ALDH1A1: variants seen among roughly 807,000 people sequenced by gnomAD.
ALDH1A1 encodes aldehyde dehydrogenase 1 family member A1.
A neutral mutation model predicts 62.1 loss-of-function variants in ALDH1A1; 19 were observed. The ratio of observed to expected loss-of-function variants is 0.31; its 90% CI spans 0.21 to 0.45. The LOEUF is 0.45. Ranked by LOEUF, ALDH1A1 falls within the 20% of genes least tolerant of loss-of-function variation. ALDH1A1 has a pLI of 1.00. For synonymous variants in ALDH1A1, 231 were observed against 215.9 expected, an observed-to-expected ratio of 1.07 and a Z score of -0.61; for missense variants, 521 against 607.1, an observed-to-expected ratio of 0.86 and a Z score of 1.49.
chr9:72,941,345 A>G (rs1830411774), intron 1 of ALDH1A1, among the ~76,000 whole-genome samples: 1 of 152,190 alleles, frequency 6.6e-6, no homozygotes, highest in South Asian at 2.1e-4. Context: ...TTTATTAAAA[A>G]TTCCCCGGTG....
rs367766133 is a variant in ALDH1A1 at position 72,914,164 on chromosome 9, A to T, written c.1036-2042T>A. 4.3e-4 allele frequency among the ~76,000 whole-genome samples: 65 copies of T among 152,284 alleles called. No individual in the cohort carries two copies. In the South Asian group the frequency reaches 0.013, roughly 30 times the overall value. On this transcript the variant is annotated intron_variant, in intron 9 of 12. Coordinates refer to ENST00000297785, the MANE Select transcript of ALDH1A1 (RefSeq NM_000689.5). ...CATTTTAAGGTGTTTGAATGGGTAA[A>T]TTCTTTGATTCCTTAGGCTTAATGG...
chr9:72,937,632 C>T lies in ALDH1A1; in HGVS notation c.171+2516G>A, dbSNP rs370649005. Among the ~76,000 whole-genome samples, 5 of 152,192 alleles carry T rather than the reference C, an allele frequency of 3.3e-5. No homozygotes were observed. In the East Asian group the frequency reaches 9.6e-4, roughly 29 times the overall value. On this transcript the variant is annotated intron_variant, in intron 2 of 12. Coordinates refer to ENST00000297785, the MANE Select transcript of ALDH1A1 (RefSeq NM_000689.5). ...CTTGAACTAGGTCCTGAGGACTACACTGTGGACATGTACAGAGGCAGTGAC... is the reference window on the plus strand; with the variant it reads ...CTTGAACTAGGTCCTGAGGACTACATTGTGGACATGTACAGAGGCAGTGAC...
intron 6 of ALDH1A1, 21 bp downstream of exon 6, chr9:72,925,463 T>C (rs768972884): frequency 6.2e-7 from 1 of 1,611,132 alleles, no homozygotes; most frequent in South Asian, 1.1e-5. Flanking sequence ...CTTGAGCATA[T>C]TTTGATTTCG....
chr9:72,947,167 T>C (rs1030350211), intron 1 of ALDH1A1, among the ~76,000 whole-genome samples: 2 of 151,970 alleles, frequency 1.3e-5, no homozygotes, highest in Non-Finnish European at 2.9e-5. Flanking sequence ...ATGAGCATTC[T>C]AAATATTAGT....
At chr9:72,908,619 GAAAGAAA>G (rs1829934588) in intron 11 of ALDH1A1, among the ~76,000 whole-genome samples, 1 of 103,754 alleles carries the variant, frequency 9.6e-6, no homozygotes, top group Admixed American at 1.0e-4. Flanking sequence ...AAGAAAGAAA[GAAAGAAA>G]GAGAATATTG....
intron 12 of ALDH1A1, 34 bp downstream of exon 12, chr9:72,905,924 A>G (rs370163540): frequency 8.6e-6 from 13 of 1,504,314 alleles, no homozygotes; most frequent in South Asian, 2.5e-5. Flanking sequence ...TTTCATAAAA[A>G]TAAATATTTA....
chr9:72,950,374 G>A (rs1353950241), intron 1 of ALDH1A1, among the ~76,000 whole-genome samples: 2 of 151,836 alleles, frequency 1.3e-5, no homozygotes, highest in African/African-American at 4.8e-5. Flanking sequence ...TTTAGAGTTG[G>A]AAAGAGGAGT....
intron 2 of ALDH1A1, among the ~76,000 whole-genome samples, chr9:72,933,613 A>C (rs11143421): frequency 1.3e-5 from 1 of 75,734 alleles, no homozygotes; most frequent in East Asian, 3.8e-4. Flanking sequence ...AAAAAAAAAA[A>C]GAAAAAGCAA....
Position 72,947,356 on chromosome 9 carries a change from A to G in ALDH1A1, c.66+5579T>C, listed in dbSNP as rs1830488479. 1.3e-5 allele frequency among the ~76,000 whole-genome samples: 2 copies of G among 152,064 alleles called. 1 individual carries two copies. The highest frequency in any genetic ancestry group is 4.1e-4 in the South Asian group (2 of 4,832). ...GAAGTAACTGGAAGGTGGTTGCTGC[A>G]TTGAAGTTATAAGGCTCACTCACCT... On this transcript the variant is annotated intron_variant, in intron 1 of 12. Coordinates refer to ENST00000297785, the MANE Select transcript of ALDH1A1 (RefSeq NM_000689.5).
chr9:72,914,409 A>G (rs1830034097), intron 9 of ALDH1A1, among the ~76,000 whole-genome samples: 1 of 152,178 alleles, frequency 6.6e-6, no homozygotes, highest in African/African-American at 2.4e-5. Context: ...ATCCAATTGC[A>G]CTGCAGAATT....
chr9:72,952,963 A>C lies in ALDH1A1; in HGVS notation c.38T>G (p.Leu13Arg). The C allele has an allele frequency of 6.2e-7, 1 of 1,613,198 alleles. No individual in the cohort carries two copies. ...SSGTPDLPVL[L>R]TDLKIQYTKI... ...AGTATATTGAATCTTCAAATCGGTG[A>C]GTAGGACAGGTAAGTCTGGCGTGCC... Residue 13 changes from leucine to arginine, a missense_variant, in exon 1 of 13, where the codon CTC becomes CGC. Transcript: ENST00000297785.
intron 1 of ALDH1A1, among the ~76,000 whole-genome samples, chr9:72,950,609 C>T (rs969860762): frequency 3.3e-5 from 5 of 151,652 alleles, no homozygotes; most frequent in Non-Finnish European, 7.4e-5. Context: ...CAGTCCCAAG[C>T]TTGAGAGTAT....
chr9:72,919,846 C>G (rs914000219), intron 7 of ALDH1A1, among the ~76,000 whole-genome samples: 1 of 152,130 alleles, frequency 6.6e-6, no homozygotes, highest in Non-Finnish European at 1.5e-5. Flanking sequence ...GCTAGTTTTC[C>G]CTTTTCAGAG....
At chr9:72,921,614 G>A (rs907229883) in intron 7 of ALDH1A1, among the ~76,000 whole-genome samples, 5 of 147,290 alleles carry the variant, frequency 3.4e-5, no homozygotes, top group African/African-American at 1.3e-4. Context: ...ATGCTGGTGC[G>A]CTGCACCCAC....
chr9:72,918,597 A>G, intron 8 of ALDH1A1, 123 bp downstream of exon 8: 1 of 633,246 alleles, frequency 1.6e-6, no homozygotes, highest in Non-Finnish European at 2.6e-6. Flanking sequence ...TTACACTTTG[A>G]TGTTAGAAGC....
At chr9:72,945,949 C>CG (rs1830468583) in intron 1 of ALDH1A1, among the ~76,000 whole-genome samples, 5 of 151,950 alleles carry the variant, frequency 3.3e-5, no homozygotes, top group Admixed American at 3.3e-4. Flanking sequence ...GATAGTCTGA[C>CG]TTTAGTAACG....
At chr9:72,939,723 G>A (rs1010400228) in intron 2 of ALDH1A1, among the ~76,000 whole-genome samples, 1 of 151,838 alleles carries the variant, frequency 6.6e-6, no homozygotes, top group East Asian at 1.9e-4. Context: ...TCCCCATGTT[G>A]GCCAGGCTGG....
At chr9:72,902,512 A>T (rs1829818313) in intron 12 of ALDH1A1, among the ~76,000 whole-genome samples, 1 of 152,048 alleles carries the variant, frequency 6.6e-6, no homozygotes, top group Admixed American at 6.6e-5. Context: ...CATGGTCCTT[A>T]AAGTAATTAA....
In ALDH1A1 at chr9:72,908,552, GAAGAAAGAAAGAAAGAAAGAAAGAAAGA is replaced by G. The variant is rs141763068; in HGVS notation, c.1358+1022_1358+1049del. ...GAAAGAAAGAAAGAAAGAAAAGAAA[GAAGAAAGAAAGAAAGAAAGAAAGAAAGA>G]AAGAAAGAAAGAAAGAAAGAAAGAA... On this transcript the variant is annotated intron_variant, in intron 11 of 12. Coordinates refer to ENST00000297785, the MANE Select transcript of ALDH1A1 (RefSeq NM_000689.5). Among the ~76,000 whole-genome samples, 751 of 91,892 alleles carry G rather than the reference GAAGAAAGAAAGAAAGAAAGAAAGAAAGA, an allele frequency of 8.2e-3. 9 individuals are homozygous for G. The highest frequency in any genetic ancestry group is 0.039 in the East Asian group (129 of 3,294). 60.3% of individuals were successfully genotyped at this position (91,892 alleles called of 152,430 possible). A position where few individuals can be genotyped will look rare whatever the true frequency, so the allele number is the denominator to read the frequency against.
Sources: allele counts gnomAD v4.1 joint callset (sites outside exome capture counted in the v4.1 genomes callset), GRCh38; gene constraint gnomAD v4.1.1; transcripts MANE v1.5; gene names NCBI Gene and HGNC (gene_info 2026-07-23, HGNC 2026-07-21).